SGK3: variants seen among roughly 807,000 people sequenced by gnomAD.
The protein encoded by SGK3 is serine/threonine-protein kinase Sgk3.
Under a neutral mutation model 68.5 loss-of-function variants are expected in SGK3, and 47 were observed. The observed-to-expected ratio is 0.69, with a 90% CI of 0.54 to 0.87. The LOEUF is 0.87. Among genes scored for constraint, SGK3 ranks in the 40% least tolerant of loss-of-function variants. SGK3 has a pLI of 0.00. For missense variants in SGK3, 479 were observed against 575.5 expected, an observed-to-expected ratio of 0.83 and a Z score of 1.72; for synonymous variants, 181 against 189.1, an observed-to-expected ratio of 0.96 and a Z score of 0.35.
At chr8:66,777,081 C>T (rs930106398) in intron 1 of SGK3, among the ~76,000 whole-genome samples, 2 of 152,186 alleles carry the variant, frequency 1.3e-5, no homozygotes, top group African/African-American at 2.4e-5. Context: ...GAGATAATGT[C>T]ACAATGTGGC....
rs556787329 is a variant in SGK3, at chr8:66,861,993, A to G, written c.*2412A>G. 1.4e-4 allele frequency: 21 copies of G among 152,326 alleles called. No individual in the cohort carries two copies. Among genetic ancestry groups the G allele is most frequent in the African/African-American group, 4.6e-4 (19 of 41,580 alleles). The allele number at this position is 152,326 out of a possible 1,614,324, so 9.4% of individuals were successfully genotyped here. A position where few individuals can be genotyped will look rare whatever the true frequency, so the allele number is the denominator to read the frequency against. ...CAGATCACAAGAAATACAAATCTAT[A>G]TAGTATAATAAAATCAGCAAAAAGA... On this transcript the variant is annotated 3_prime_UTR_variant, in exon 17 of 17. Transcript: ENST00000521198.
chr8:66,745,160 GT>G (rs1200987061), intron 1 of SGK3, among the ~76,000 whole-genome samples: 1 of 151,534 alleles, frequency 6.6e-6, no homozygotes, highest in Non-Finnish European at 1.5e-5. Context: ...ATTTATTCTA[GT>G]TTTTTTGTTT....
intron 2 of SGK3, among the ~76,000 whole-genome samples, chr8:66,794,987 G>A (rs888759016): frequency 6.6e-6 from 1 of 152,114 alleles, no homozygotes; most frequent in Non-Finnish European, 1.5e-5. Flanking sequence ...CAGTACCTTG[G>A]CCCTTGATAG....
chr8:66,740,407 G>A (rs1805444357), intron 1 of SGK3, among the ~76,000 whole-genome samples: 1 of 152,148 alleles, frequency 6.6e-6, no homozygotes. Flanking sequence ...ACACATTAAT[G>A]TAGCTTGAGT....
rs1554590873 is a variant in SGK3, at chr8:66,720,781, T to TATATA, written c.-122+7948_-122+7949insATATA. Among the ~76,000 whole-genome samples, 166 of 146,324 alleles carry TATATA rather than the reference T, an allele frequency of 1.1e-3. 2 individuals carry two copies. Among genetic ancestry groups the TATATA allele is most frequent in the African/African-American group, 3.5e-3 (131 of 37,732 alleles). ...GCAAAACTCTGTCTCAAAAAAAAAA[T>TATATA]TATATATATATATAATTAGCCAGGT... is the stretch of plus-strand genomic sequence containing the variant. On this transcript the variant is annotated intron_variant, in intron 1 of 16. Coordinates refer to ENST00000521198, the MANE Select transcript of SGK3 (RefSeq NM_001033578.3).
At chr8:66,840,987 A>T in intron 12 of SGK3, 37 bp from the exon 13 acceptor site, 2 of 1,403,680 alleles carry the variant, frequency 1.4e-6, no homozygotes, top group Non-Finnish European at 9.7e-7. Flanking sequence ...ATTCATATTT[A>T]TGCATTGTTT....
chr8:66,793,655 G>C lies in SGK3; in HGVS notation c.-82G>C. On this transcript the variant is annotated 5_prime_UTR_variant, in exon 2 of 17. Transcript: ENST00000521198. The stretch of plus-strand genomic sequence containing the variant: ...TTTGAACATTACTTCAAGAGGTTTT[G>C]TATTTTGGATTAGTTAATTGGGTTT... 1 of 1,283,096 alleles carries C rather than the reference G, an allele frequency of 7.8e-7. No individual in the cohort carries two copies. Among genetic ancestry groups the C allele is most frequent in the Non-Finnish European group, 1.1e-6 (1 of 938,138 alleles). 79.5% of individuals were successfully genotyped at this position (1,283,096 alleles called of 1,614,324 possible).
intron 1 of SGK3, among the ~76,000 whole-genome samples, chr8:66,744,540 T>G (rs1805592409): frequency 8.0e-6 from 1 of 125,770 alleles, no homozygotes; most frequent in African/African-American, 3.1e-5. Flanking sequence ...TTTTTTTTTT[T>G]TTTTTAGATG....
intron 1 of SGK3, among the ~76,000 whole-genome samples, chr8:66,790,285 A>T (rs1440744723): frequency 6.6e-6 from 1 of 152,184 alleles, no homozygotes; most frequent in Non-Finnish European, 1.5e-5. Context: ...ACAATGAAAG[A>T]TGGTGGGAGT....
At chr8:66,732,704 G>A (rs1181244312) in intron 1 of SGK3, among the ~76,000 whole-genome samples, 4 of 151,960 alleles carry the variant, frequency 2.6e-5, no homozygotes, top group African/African-American at 7.3e-5. Flanking sequence ...AATTAGCTGG[G>A]CATGGTGGTA....
chr8:66,808,534 A>C (rs1232931356), intron 4 of SGK3, among the ~76,000 whole-genome samples: 1 of 146,090 alleles, frequency 6.8e-6, no homozygotes, highest in East Asian at 2.0e-4. Context: ...TTTTTTTGAG[A>C]TGGAGTTTCG....
chr8:66,825,084 C>A (rs1274584829), intron 6 of SGK3, among the ~76,000 whole-genome samples: 1 of 152,064 alleles, frequency 6.6e-6, no homozygotes, highest in Non-Finnish European at 1.5e-5. Flanking sequence ...TTATTTGAAG[C>A]CTATCTTGCC....
intron 1 of SGK3, among the ~76,000 whole-genome samples, chr8:66,716,741 A>C (rs1028865379): frequency 2.6e-5 from 4 of 152,212 alleles, no homozygotes; most frequent in African/African-American, 9.6e-5. Flanking sequence ...AGGGCCATAC[A>C]TATAGGAAAG....
chr8:66,791,200 A>G (rs1204805263), intron 1 of SGK3, among the ~76,000 whole-genome samples: 1 of 152,232 alleles, frequency 6.6e-6, no homozygotes, highest in Non-Finnish European at 1.5e-5. Context: ...GAAAGGGACC[A>G]GGGGAACAAA....
rs1807798860 is a variant in SGK3 at position 66,798,618 on chromosome 8, A to G, written c.173A>G (p.Tyr58Cys). The stretch of plus-strand genomic sequence containing the variant: ...AGATATGCAGAGTTTGATAAACTTT[A>G]TAACACTGTAAGTAATCGTCTACAA... Reference protein sequence around the residue: ...FRRYAEFDKLYNTLKKQFPAM... With the variant: ...FRRYAEFDKLCNTLKKQFPAM... Residue 58 changes from tyrosine (Y) to cysteine (C), a missense_variant, in exon 3 of 17, where the codon TAT becomes TGT. Physicochemically the swap from Tyr to Cys is radical, Grantham distance 194. Around this residue, in one of 3 missense-constraint regions of SGK3, gnomAD observed 298 missense variants for 329.4 expected, o/e 0.90. Transcript: ENST00000521198. 1 of 1,605,446 alleles carries G rather than the reference A, an allele frequency of 6.2e-7. No homozygotes were observed. The highest frequency in any genetic ancestry group is 8.5e-7 in the Non-Finnish European group (1 of 1,176,168).
chr8:66,779,578 ATATATATATATATATATATATAT>A (rs1806878398), intron 1 of SGK3, among the ~76,000 whole-genome samples: 1 of 133,250 alleles, frequency 7.5e-6, no homozygotes, highest in Non-Finnish European at 1.6e-5. Flanking sequence ...ATATATATAT[ATATATATATATATATATATATAT>A]AAAACACATT....
chr8:66,719,904 T>A (rs1397163669), intron 1 of SGK3, among the ~76,000 whole-genome samples: 1 of 152,250 alleles, frequency 6.6e-6, no homozygotes, highest in East Asian at 1.9e-4. Context: ...AGGCTTTTAT[T>A]TGTGTGTGCA....
chr8:66,716,659 T>C (rs1215247781), intron 1 of SGK3, among the ~76,000 whole-genome samples: 1 of 152,002 alleles, frequency 6.6e-6, no homozygotes, highest in African/African-American at 2.4e-5. Flanking sequence ...TGGAGATGTG[T>C]GTGAAGTAAG....
At chr8:66,755,734 A>G (rs1040586931) in intron 1 of SGK3, among the ~76,000 whole-genome samples, 3 of 152,198 alleles carry the variant, frequency 2.0e-5, no homozygotes, top group African/African-American at 4.8e-5. Context: ...CCCTGCCCTC[A>G]TGGCTCTTAG....
Sources: gnomAD v4.1 joint callset for allele counts (sites outside exome capture counted in the v4.1 genomes callset) on GRCh38, gnomAD v4.1.1 for gene constraint, gnomAD v4.1.1 regional missense constraint, MANE v1.5 for transcripts, NCBI Gene and HGNC (gene_info 2026-07-23, HGNC 2026-07-21) for gene names.